Variants in RNF215 observed in about 807,000 individuals in gnomAD.
The protein encoded by RNF215 is ring finger protein 215.
RNF215 carries 41 observed loss-of-function variants against 44.8 expected under a neutral mutation model. That is an observed-to-expected ratio of 0.92 (90% CI 0.71 to 1.19). The LOEUF (loss-of-function observed/expected upper bound fraction) is 1.19. Among genes scored for constraint, RNF215 ranks in the 50% most tolerant of loss-of-function variants. The pLI, the probability that RNF215 is intolerant of heterozygous loss-of-function variation, is 0.00. For missense variants in RNF215, 452 were observed against 496.2 expected (o/e 0.91, Z 0.85); for synonymous variants, 218 against 230.1 (o/e 0.95, Z 0.48).
chr22:30,387,284 T>C lies in RNF215; in HGVS notation c.30A>G (p.Arg10=). 9.4e-7 allele frequency: 1 copy of C among 1,067,340 alleles called. No homozygotes were observed. Among genetic ancestry groups the C allele is most frequent in the Non-Finnish European group, 1.1e-6 (1 of 885,358 alleles). 66.1% of individuals were successfully genotyped at this position (1,067,340 alleles called of 1,614,324 possible). A position where few individuals can be genotyped will look rare whatever the true frequency, so the allele number is the denominator to read the frequency against. Residue 10 remains arginine (R), a synonymous_variant, in exon 1 of 9, where the codon AGA becomes AGG. Coordinates refer to ENST00000382363, the MANE Select transcript of RNF215 (RefSeq NM_001017981.2). MGPAARPAL[R]SPPPPPPPPP... ...GCGGCGGCGGAGGCGGCGGCGGCGA[T>C]CTCAGCGCGGGGCGAGCGGCGGGGC...
intron 5 of RNF215, among the ~76,000 whole-genome samples, chr22:30,382,823 G>A (rs1416985678): frequency 6.6e-6 from 1 of 151,844 alleles, no homozygotes; most frequent in Non-Finnish European, 1.5e-5. Context: ...CATTAGCTGG[G>A]CATGGTGGTT....
intron 2 of RNF215, 25 bp downstream of exon 2, chr22:30,386,591 C>A (rs1475323292): frequency 6.2e-7 from 1 of 1,602,008 alleles, no homozygotes; most frequent in Non-Finnish European, 8.5e-7. Context: ...CCTCCAGCCC[C>A]CTCCCCCATA....
At chr22:30,386,473 A>AT (rs1478293799) in intron 2 of RNF215, 143 bp downstream of exon 2, 8 of 1,019,266 alleles carry the variant, frequency 7.8e-6, no homozygotes, top group Non-Finnish European at 1.0e-5. Flanking sequence ...TACTGACTCC[A>AT]TTCTTCAAAC....
chr22:30,379,473 C>G lies in RNF215; in HGVS notation c.*127G>C, dbSNP rs754859547. The G allele has an allele frequency of 4.2e-6, 5 of 1,184,610 alleles. No individual in the cohort carries two copies. Among genetic ancestry groups the G allele is most frequent in the Non-Finnish European group, 5.9e-6 (5 of 847,452 alleles). 73.4% of individuals were successfully genotyped at this position (1,184,610 alleles called of 1,614,324 possible). A position where few individuals can be genotyped will look rare whatever the true frequency, so the allele number is the denominator to read the frequency against. ...ACATGGTGGGGCCCTCATCCTTCCT[C>G]CCACCCACTGGGCTTGCTGTCCTGT... is the stretch of plus-strand genomic sequence containing the variant. On this transcript the variant is annotated 3_prime_UTR_variant, in exon 9 of 9. Coordinates refer to ENST00000382363, the MANE Select transcript of RNF215 (RefSeq NM_001017981.2).
At position 30,380,361 on chromosome 22, in the gene RNF215, G is replaced by A. The variant is rs768365841; in HGVS notation, c.785C>T (p.Ala262Val). Residue 262 changes from alanine to valine, a missense_variant, in exon 6 of 9, where the codon GCC (alanine) becomes GTC (valine). By Grantham distance (64) the Ala-to-Val change is moderately conservative (BLOSUM62 0). Transcript: ENST00000382363. The surrounding 1 kb of genome is among the most constrained non-coding windows in gnomAD (Gnocchi z 5.3). The part of the protein sequence containing the change: ...QQLWNAILLV[A>V]MLLCTGLVVQ... ...CACGAGGCCTGTGCACAGGAGCATG[G>A]CCACCAGCAGGATGGCGTTCCACAG... The A allele has an allele frequency of 1.9e-6, 3 of 1,609,844 alleles. No individual in the cohort carries two copies. Among genetic ancestry groups the A allele is most frequent in the Middle Eastern group, 1.8e-4 (1 of 5,654 alleles).
chr22:30,383,419 C>T (rs954459599), intron 5 of RNF215, among the ~76,000 whole-genome samples: 4 of 152,252 alleles, frequency 2.6e-5, no homozygotes, highest in African/African-American at 9.6e-5. Context: ...CACAGAGTAC[C>T]GTCCCTGTTT....
At chr22:30,381,891 C>G (rs1189884454) in intron 5 of RNF215, among the ~76,000 whole-genome samples, 1 of 152,222 alleles carries the variant, frequency 6.6e-6, no homozygotes, top group African/African-American at 2.4e-5. Context: ...TGTCCCCAAG[C>G]TCCAGGCTGA....
intron 5 of RNF215, among the ~76,000 whole-genome samples, chr22:30,382,784 A>C (rs916699864): frequency 4.6e-5 from 7 of 151,982 alleles, no homozygotes; most frequent in Admixed American, 1.3e-4. Context: ...GCAGGATGGG[A>C]GCTTGCCATC....
At chr22:30,385,025 C>A (rs1172219116) in intron 4 of RNF215, among the ~76,000 whole-genome samples, 1 of 152,136 alleles carries the variant, frequency 6.6e-6, no homozygotes, top group African/African-American at 2.4e-5. Context: ...GTTGCCCAGG[C>A]TGGTCTCAAA....
At chr22:30,379,865 G>C (rs1439758511) in intron 7 of RNF215, 52 bp from the exon 8 acceptor site, 2 of 1,537,502 alleles carry the variant, frequency 1.3e-6, no homozygotes, top group Admixed American at 1.8e-5. Context: ...GACTCCACGT[G>C]GGGGTGCCTG....
Position 30,387,398 on chromosome 22 carries a change from C to CGGGGCGGGGCGCCGGGA in RNF215, c.-86_-85insTCCCGGCGCCCCGCCCC, listed in dbSNP as rs577919640. 3.6e-3 allele frequency: 2,825 copies of CGGGGCGGGGCGCCGGGA among 775,380 alleles called. 75 individuals are homozygous for CGGGGCGGGGCGCCGGGA. In the African/African-American group the frequency reaches 0.05, roughly 14 times the overall value. 48.0% of individuals were successfully genotyped at this position (775,380 alleles called of 1,614,324 possible). A position where few individuals can be genotyped will look rare whatever the true frequency, so the allele number is the denominator to read the frequency against. On this transcript the variant is annotated 5_prime_UTR_variant, in exon 1 of 9. Coordinates refer to ENST00000382363, the MANE Select transcript of RNF215 (RefSeq NM_001017981.2). Reference sequence around the variant, plus strand: ...CGGAGGGAGCGAGGCCGCTGCCGGACGGGGCGGGGCGCCGGGAGGGGCGGG... The same window carrying CGGGGCGGGGCGCCGGGA: ...CGGAGGGAGCGAGGCCGCTGCCGGACGGGGCGGGGCGCCGGGAGGGGCGGGGCGCCGGGAGGGGCGGG...
In RNF215 at chr22:30,380,809, C is replaced by G. The variant is rs370197314; in HGVS notation, c.745-408G>C. 6.6e-6 allele frequency among the ~76,000 whole-genome samples: 1 copy of G among 152,154 alleles called. No homozygotes were observed. The highest frequency in any genetic ancestry group is 2.4e-5 in the African/African-American group (1 of 41,430). On this transcript the variant is annotated intron_variant, in intron 5 of 8. Coordinates refer to ENST00000382363, the MANE Select transcript of RNF215 (RefSeq NM_001017981.2). The surrounding 1 kb of genome is among the most constrained non-coding windows in gnomAD (Gnocchi z 5.3). ...TGCACTTCCTCCTGGTCGGCTTTCTCAGGCCCTGCCATCAGCCACTCACCC... is the reference window on the plus strand; with the variant it reads ...TGCACTTCCTCCTGGTCGGCTTTCTGAGGCCCTGCCATCAGCCACTCACCC...
Position 30,379,690 on chromosome 22 carries a change from G to A in RNF215, c.1111+21C>T, listed in dbSNP as rs777156387. 4.5e-6 allele frequency: 7 copies of A among 1,553,148 alleles called. No individual in the cohort carries two copies. The South Asian group carries it at 8.3e-5, about 18-fold the overall frequency. ...GAGGAGCAGGCAGAGTAGGCCGAGG[G>A]ACCCCACCCCTGGTGCTCACCCAGG... On this transcript the variant is annotated intron_variant, in intron 8 of 8. Coordinates refer to ENST00000382363, the MANE Select transcript of RNF215 (RefSeq NM_001017981.2).
At chr22:30,383,167 G>C (rs940099598) in intron 5 of RNF215, among the ~76,000 whole-genome samples, 5 of 152,150 alleles carry the variant, frequency 3.3e-5, no homozygotes, top group Non-Finnish European at 7.4e-5. Flanking sequence ...AGAGCCCGAT[G>C]CCCATCAGGC....
At chr22:30,381,892 T>C (rs1990268) in intron 5 of RNF215, among the ~76,000 whole-genome samples, 30,710 of 152,116 alleles carry the variant, frequency 0.2, 3,362 homozygotes, top group Middle Eastern at 0.36. Flanking sequence ...GTCCCCAAGC[T>C]CCAGGCTGAG....
rs759762287 is a variant in RNF215, at chr22:30,380,039, T to A, written c.1008+23A>T. The stretch of plus-strand genomic sequence containing the variant: ...GAGGCATCACAGGTGAGCTGATGGC[T>A]GGTCTCTACCCGGGGCACTAGCCTG... On this transcript the variant is annotated intron_variant, in intron 7 of 8. Coordinates refer to ENST00000382363, the MANE Select transcript of RNF215 (RefSeq NM_001017981.2). This position sits in a 1 kb window ranked among gnomAD's most constrained non-coding sequence, Gnocchi z 5.3. 4.3e-6 allele frequency: 7 copies of A among 1,612,774 alleles called. No individual in the cohort carries two copies. In the Admixed American group the frequency reaches 5.0e-5, roughly 12 times the overall value.
In RNF215 at chr22:30,380,498, G is replaced by A; in HGVS notation, c.745-97C>T. ...GGAACGCCAGGGAGCAGGCAGGTGA[G>A]GTATGCTGACGGCCTCTGTGTCCCT... On this transcript the variant is annotated intron_variant, in intron 5 of 8. Transcript: ENST00000382363. This position sits in a 1 kb window ranked among gnomAD's most constrained non-coding sequence, Gnocchi z 5.3. 2.1e-6 allele frequency: 3 copies of A among 1,456,564 alleles called. No homozygotes were observed. Among genetic ancestry groups the A allele is most frequent in the Non-Finnish European group, 1.8e-6 (2 of 1,088,708 alleles). 90.2% of individuals were successfully genotyped at this position (1,456,564 alleles called of 1,614,324 possible). A position where few individuals can be genotyped will look rare whatever the true frequency, so the allele number is the denominator to read the frequency against.
chr22:30,385,789 A>G (rs1478287764), intron 4 of RNF215, 115 bp downstream of exon 4: 1 of 878,174 alleles, frequency 1.1e-6, no homozygotes, highest in African/African-American at 1.7e-5. Context: ...CCATCTCAAA[A>G]AAAAAAAAAA....
rs564429246 is a variant in RNF215, at chr22:30,382,711, T to C, written c.744+1628A>G. On this transcript the variant is annotated intron_variant, in intron 5 of 8. Coordinates refer to ENST00000382363, the MANE Select transcript of RNF215 (RefSeq NM_001017981.2). Reference sequence around the variant, plus strand: ...GCTCACTGCATCCTGGGGAGCCCTATGTGCCCCAGGTTCAGTGCATCTTGG... The same window carrying C: ...GCTCACTGCATCCTGGGGAGCCCTACGTGCCCCAGGTTCAGTGCATCTTGG... 1.2e-4 allele frequency among the ~76,000 whole-genome samples: 18 copies of C among 152,196 alleles called. No individual in the cohort carries two copies. In the South Asian group the frequency reaches 2.9e-3, roughly 24 times the overall value.
Sources: allele counts gnomAD v4.1 joint callset (sites outside exome capture counted in the v4.1 genomes callset), GRCh38; gene constraint gnomAD v4.1.1; non-coding constraint Gnocchi (gnomAD v3.1); transcripts MANE v1.5; gene names NCBI Gene and HGNC (gene_info 2026-07-23, HGNC 2026-07-21).